Variants in SLC1A3 observed in about 807,000 individuals in gnomAD.
SLC1A3 encodes solute carrier family 1 member 3.
Under a neutral mutation model 48.1 loss-of-function variants are expected in SLC1A3, and 21 were observed. That is an observed-to-expected ratio of 0.44 (90% CI 0.31 to 0.63). The LOEUF (loss-of-function observed/expected upper bound fraction) is 0.63, where lower values mean the gene tolerates loss of function less well. Among genes scored for constraint, SLC1A3 ranks in the 20% least tolerant of loss-of-function variants. The pLI, the probability that SLC1A3 is intolerant of heterozygous loss-of-function variation, is 0.08. For synonymous variants in SLC1A3, 239 were observed against 251.4 expected (o/e 0.95, Z 0.47); for missense variants, 546 against 689.0 (o/e 0.79, Z 2.32).
chr5:36,630,051 C>T (rs1045357047), intron 3 of SLC1A3: 6 of 204,092 alleles, frequency 2.9e-5, no homozygotes, highest in African/African-American at 4.7e-5. Flanking sequence ...AGAGGTAATG[C>T]CCACAACACT....
At chr5:36,680,664 T>C (rs1742405283) in intron 8 of SLC1A3, 75 bp downstream of exon 8, 1 of 1,308,030 alleles carries the variant, frequency 7.6e-7, no homozygotes, top group Non-Finnish European at 1.1e-6. Context: ...ACGCCTGTAA[T>C]CCTAACACTT....
chr5:36,604,251 C>T (rs1484144191), upstream of SLC1A3, among the ~76,000 whole-genome samples: 1 of 151,966 alleles, frequency 6.6e-6, no homozygotes, highest in Non-Finnish European at 1.5e-5. Context: ...TTCTGTGTCT[C>T]CCACCCTGAG....
At chr5:36,617,848 G>T (rs564985764) in intron 2 of SLC1A3, among the ~76,000 whole-genome samples, 1 of 152,142 alleles carries the variant, frequency 6.6e-6, no homozygotes, top group African/African-American at 2.4e-5. Context: ...ATTTAAAAAC[G>T]TTGTAATGAA....
intron 3 of SLC1A3, among the ~76,000 whole-genome samples, chr5:36,656,009 G>A (rs1741270042): frequency 6.6e-6 from 1 of 152,184 alleles, no homozygotes; most frequent in Non-Finnish European, 1.5e-5. Flanking sequence ...TACATCAGAA[G>A]CTGTAAATGA....
intron 3 of SLC1A3, among the ~76,000 whole-genome samples, chr5:36,654,143 A>T (rs1267948757): frequency 6.6e-6 from 1 of 152,184 alleles, no homozygotes; most frequent in African/African-American, 2.4e-5. Flanking sequence ...CGCCCAGCCT[A>T]ATGTTTTCTT....
In SLC1A3 at chr5:36,686,088, A is replaced by G. The variant is rs748343069; in HGVS notation, c.1448A>G (p.Asn483Ser). ...WFLDRLRTTTNVLGDSLGAGI... is the reference protein window; with the variant it reads ...WFLDRLRTTTSVLGDSLGAGI... ...AGGGATCGCCTCCGGACCACCACCA[A>G]CGTACTGGGAGACTCCCTGGGAGCT... The change falls in exon 10 of 10, where the codon AAC (asparagine) becomes AGC (serine). Residue 483 changes from asparagine to serine, a missense_variant. Physicochemically the swap from Asn to Ser is conservative, Grantham distance 46. This residue lies in a region of SLC1A3 where 142 missense variants were observed against 238.0 expected (regional missense o/e 0.60). Transcript: ENST00000265113. The G allele has an allele frequency of 6.2e-7, 1 of 1,614,078 alleles. No individual in the cohort carries two copies. Among genetic ancestry groups the G allele is most frequent in the South Asian group, 1.1e-5 (1 of 91,080 alleles).
rs189050705 is a variant in SLC1A3 at position 36,658,147 on chromosome 5, C to T, written c.320-12882C>T. Among the ~76,000 whole-genome samples, 7 of 152,170 alleles carry T rather than the reference C, an allele frequency of 4.6e-5. No homozygotes were observed. In the East Asian group the frequency reaches 7.7e-4, roughly 17 times the overall value. ...CATGACTATAAAACAAAGCGCCCCACGAAACCAAGAAGCACAAAGAAAGGG... is the reference window on the plus strand; with the variant it reads ...CATGACTATAAAACAAAGCGCCCCATGAAACCAAGAAGCACAAAGAAAGGG... On this transcript the variant is annotated intron_variant, in intron 3 of 9. Coordinates refer to ENST00000265113, the MANE Select transcript of SLC1A3 (RefSeq NM_004172.5).
At chr5:36,651,006 G>T (rs1041436392) in intron 3 of SLC1A3, among the ~76,000 whole-genome samples, 1 of 151,988 alleles carries the variant, frequency 6.6e-6, no homozygotes, top group Non-Finnish European at 1.5e-5. Flanking sequence ...ACCAAGATTT[G>T]CAGAGTTACT....
At chr5:36,672,251 T>G (rs1053000492) in intron 4 of SLC1A3, among the ~76,000 whole-genome samples, 33 of 152,078 alleles carry the variant, frequency 2.2e-4, no homozygotes, top group Non-Finnish European at 5.9e-5. Context: ...GATCTGTCAG[T>G]GCATGTCACT....
intron 3 of SLC1A3, among the ~76,000 whole-genome samples, chr5:36,645,945 G>A (rs185259751): frequency 4.3e-4 from 65 of 152,206 alleles, no homozygotes; most frequent in African/African-American, 1.4e-3. Context: ...TTTTATTCTT[G>A]AATAGAGCTA....
intron 3 of SLC1A3, among the ~76,000 whole-genome samples, chr5:36,653,123 ATTAC>A (rs1451298265): frequency 1.3e-5 from 2 of 152,214 alleles, no homozygotes; most frequent in African/African-American, 4.8e-5. Flanking sequence ...CATTAATGGT[ATTAC>A]TTAATGAATA....
At chr5:36,599,771 G>A (rs147017447) in intron 1 of SLC1A3, among the ~76,000 whole-genome samples, 1 of 152,006 alleles carries the variant, frequency 6.6e-6, no homozygotes, top group East Asian at 1.9e-4. Flanking sequence ...CTCTCAAAGT[G>A]CTGCTGTGGT....
At chr5:36,675,517 C>T (rs771040881) in intron 5 of SLC1A3, among the ~76,000 whole-genome samples, 5 of 152,150 alleles carry the variant, frequency 3.3e-5, no homozygotes, top group Non-Finnish European at 5.9e-5. Context: ...AAATGTTTCT[C>T]CCCAGGTCTA....
chr5:36,643,996 G>A (rs1009866180), intron 3 of SLC1A3, among the ~76,000 whole-genome samples: 3 of 148,468 alleles, frequency 2.0e-5, no homozygotes, highest in Non-Finnish European at 4.4e-5. Flanking sequence ...TGGGCAACAG[G>A]GCAAGACTCC....
chr5:36,654,702 T>A (rs766571060), intron 3 of SLC1A3, among the ~76,000 whole-genome samples: 2 of 152,216 alleles, frequency 1.3e-5, no homozygotes, highest in African/African-American at 4.8e-5. Flanking sequence ...ATTGCATGTG[T>A]GCTCTGCGTC....
intron 5 of SLC1A3, 28 bp downstream of exon 5, chr5:36,674,119 C>T: frequency 6.3e-7 from 1 of 1,592,596 alleles, no homozygotes; most frequent in Non-Finnish European, 8.6e-7. Flanking sequence ...ATTAACTTGC[C>T]TTTTAAATTC....
intron 2 of SLC1A3, among the ~76,000 whole-genome samples, chr5:36,621,185 C>A (rs765394776): frequency 6.6e-6 from 1 of 152,130 alleles, no homozygotes; most frequent in Non-Finnish European, 1.5e-5. Context: ...GAGTTACAGG[C>A]GTGAGCCACC....
rs1289695243 is a variant in SLC1A3, at chr5:36,687,218, C to A, written c.*949C>A. 1 of 151,574 alleles carries A rather than the reference C, an allele frequency of 6.6e-6. No individual in the cohort carries two copies. The highest frequency in any genetic ancestry group is 2.5e-5 in the African/African-American group (1 of 40,816). The allele number at this position is 151,574 out of a possible 1,614,324, so 9.4% of individuals were successfully genotyped here. On this transcript the variant is annotated 3_prime_UTR_variant, in exon 10 of 10. Coordinates refer to ENST00000265113, the MANE Select transcript of SLC1A3 (RefSeq NM_004172.5). ...TTCTTTCCTACTCTGGGAAGAATGT[C>A]TCCTGCCACTCCTCAACTGATGATA...
At chr5:36,618,573 A>G (rs747467679) in intron 2 of SLC1A3, among the ~76,000 whole-genome samples, 5 of 152,224 alleles carry the variant, frequency 3.3e-5, no homozygotes, top group Non-Finnish European at 4.4e-5. Flanking sequence ...AGAGCAGAAC[A>G]TAAAATCAGG....
Sources: allele counts gnomAD v4.1 joint callset (sites outside exome capture counted in the v4.1 genomes callset), GRCh38; gene constraint gnomAD v4.1.1; regional missense constraint gnomAD v4.1.1; transcripts MANE v1.5; gene names NCBI Gene and HGNC (gene_info 2026-07-23, HGNC 2026-07-21).